The following GRID2 variants were observed in gnomAD, a reference collection of about 807,000 sequenced individuals.
The protein encoded by GRID2 is glutamate ionotropic receptor delta type subunit 2.
A neutral mutation model predicts 114.8 loss-of-function variants in GRID2; 33 were observed. The ratio of observed to expected loss-of-function variants is 0.29; its 90% CI spans 0.22 to 0.38. The LOEUF is 0.38. Among genes scored for constraint, GRID2 ranks in the 10% least tolerant of loss-of-function variants. The probability of loss-of-function intolerance (pLI) is 1.00; values close to 1 mark genes in which losing one functional copy is unlikely to be tolerated. For missense variants in GRID2, 1,184 were observed against 1,257.7 expected (o/e 0.94, Z 0.89); for synonymous variants, 505 against 449.9 (o/e 1.12, Z -1.55).
At chr4:92,450,737 T>C (rs372884622) in intron 1 of GRID2, among the ~76,000 whole-genome samples, 10 of 151,500 alleles carry the variant, frequency 6.6e-5, no homozygotes, top group Non-Finnish European at 1.2e-4. Context: ...ATCTCTCTCT[T>C]TCTTTATGTT....
At chr4:92,352,244 G>A (rs1728105130) in intron 1 of GRID2, among the ~76,000 whole-genome samples, 1 of 151,746 alleles carries the variant, frequency 6.6e-6, no homozygotes, top group Admixed American at 6.6e-5. Flanking sequence ...CTTATGATTA[G>A]TGGTGACTAT....
At chr4:92,974,765 C>T (rs1392480171) in intron 2 of GRID2, among the ~76,000 whole-genome samples, 1 of 151,888 alleles carries the variant, frequency 6.6e-6, no homozygotes, top group African/African-American at 2.4e-5. Context: ...AGCAAACCAC[C>T]AGGGCACGTG....
chr4:93,728,555 CT>C (rs1206316852), intron 14 of GRID2, among the ~76,000 whole-genome samples: 1 of 152,018 alleles, frequency 6.6e-6, no homozygotes, highest in African/African-American at 2.4e-5. Flanking sequence ...AACTTTCTGT[CT>C]TGTTTTTCTG....
chr4:93,092,908 A>G (rs1319836017), intron 3 of GRID2, among the ~76,000 whole-genome samples: 1 of 152,134 alleles, frequency 6.6e-6, no homozygotes, highest in Non-Finnish European at 1.5e-5. Flanking sequence ...GTACAGAGCT[A>G]TGAGAACAGG....
At chr4:93,214,897 G>A (rs753202095) in intron 5 of GRID2, among the ~76,000 whole-genome samples, 6 of 151,918 alleles carry the variant, frequency 3.9e-5, no homozygotes, top group Non-Finnish European at 7.4e-5. Flanking sequence ...ATTCCTGTAA[G>A]GAAATATGGG....
intron 14 of GRID2, among the ~76,000 whole-genome samples, chr4:93,675,471 C>T (rs1724770781): frequency 1.3e-5 from 2 of 152,120 alleles, no homozygotes; most frequent in South Asian, 4.1e-4. Context: ...ATTTATTAAA[C>T]ACCTACTGCA....
intron 1 of GRID2, among the ~76,000 whole-genome samples, chr4:92,534,003 A>T (rs1477966936): frequency 6.6e-6 from 1 of 152,084 alleles, no homozygotes; most frequent in Non-Finnish European, 1.5e-5. Context: ...AGAAGAAAAT[A>T]AATCCATATA....
intron 1 of GRID2, among the ~76,000 whole-genome samples, chr4:92,397,829 A>G (rs1465697999): frequency 1.3e-5 from 2 of 152,168 alleles, no homozygotes; most frequent in African/African-American, 2.4e-5. Context: ...CCATATGGAA[A>G]CGATTTTATT....
intron 2 of GRID2, among the ~76,000 whole-genome samples, chr4:93,012,383 T>C (rs1398492268): frequency 1.3e-5 from 2 of 152,060 alleles, no homozygotes; most frequent in African/African-American, 4.8e-5. Context: ...CCATATACTA[T>C]ACCTAAGGTC....
At chr4:93,186,352 C>T (rs183613907) in intron 4 of GRID2, among the ~76,000 whole-genome samples, 1 of 152,138 alleles carries the variant, frequency 6.6e-6, no homozygotes, top group Non-Finnish European at 1.5e-5. Context: ...AGTTTATACT[C>T]CCACCAATAG....
chr4:92,729,416 C>G (rs1018623194), intron 2 of GRID2, among the ~76,000 whole-genome samples: 4 of 151,796 alleles, frequency 2.6e-5, no homozygotes, highest in African/African-American at 2.4e-5. Context: ...TGTTCACCAC[C>G]CTTACTTTTA....
At chr4:92,906,209 T>C (rs1747940845) in intron 2 of GRID2, among the ~76,000 whole-genome samples, 1 of 150,284 alleles carries the variant, frequency 6.7e-6, no homozygotes, top group Non-Finnish European at 1.5e-5. Context: ...ATTTGATTAT[T>C]TGACAATTTG....
chr4:92,725,163 T>C (rs928439612), intron 2 of GRID2, among the ~76,000 whole-genome samples: 13 of 152,162 alleles, frequency 8.5e-5, no homozygotes, highest in Admixed American at 7.9e-4. Context: ...TAGCCCAGTG[T>C]GTTGGCACAT....
At chr4:93,222,206 T>C (rs906613955) in intron 6 of GRID2, among the ~76,000 whole-genome samples, 6 of 152,178 alleles carry the variant, frequency 3.9e-5, no homozygotes, top group Admixed American at 3.9e-4. Flanking sequence ...GAGGAATTTA[T>C]TTTTTTGTGG....
chr4:92,733,482 C>A (rs1736432427), intron 2 of GRID2, among the ~76,000 whole-genome samples: 1 of 151,998 alleles, frequency 6.6e-6, no homozygotes, highest in Admixed American at 6.6e-5. Context: ...GGGAGGTAGT[C>A]AGGGGACAGG....
intron 3 of GRID2, among the ~76,000 whole-genome samples, chr4:93,088,056 T>G (rs1239564496): frequency 6.6e-6 from 1 of 152,140 alleles, no homozygotes; most frequent in African/African-American, 2.4e-5. Context: ...TGAAAATGTA[T>G]TTTGTATAGA....
chr4:93,623,220 A>G (rs1009173887), intron 13 of GRID2, among the ~76,000 whole-genome samples: 2 of 152,078 alleles, frequency 1.3e-5, no homozygotes, highest in Non-Finnish European at 2.9e-5. Flanking sequence ...GGTTTGTTAC[A>G]CAGGTATACA....
At chr4:93,459,341 A>G (rs1723525115) in intron 11 of GRID2, among the ~76,000 whole-genome samples, 1 of 152,058 alleles carries the variant, frequency 6.6e-6, no homozygotes, top group South Asian at 2.1e-4. Flanking sequence ...TTGAAATGTA[A>G]TAGAGGAGAA....
At chr4:92,656,208 T>A (rs1451129506) in intron 2 of GRID2, among the ~76,000 whole-genome samples, 1 of 151,822 alleles carries the variant, frequency 6.6e-6, no homozygotes, top group Non-Finnish European at 1.5e-5. Flanking sequence ...CTAGCTTTTG[T>A]ATTTTTTATT....
Sources: allele counts gnomAD v4.1 joint callset (sites outside exome capture counted in the v4.1 genomes callset), GRCh38; gene constraint gnomAD v4.1.1; transcripts MANE v1.5; gene names NCBI Gene and HGNC (gene_info 2026-07-23, HGNC 2026-07-21).